The following PDZD2 variants were observed in gnomAD, a reference collection of about 807,000 sequenced individuals.
PDZD2 encodes PDZ domain-containing protein 2.
Under a neutral mutation model 220.7 loss-of-function variants are expected in PDZD2, and 90 were observed. The ratio of observed to expected loss-of-function variants is 0.41; its 90% confidence interval spans 0.34 to 0.49. PDZD2 has a LOEUF of 0.49. Ranked by LOEUF, PDZD2 falls within the 20% of genes least tolerant of loss-of-function variation. The pLI, the probability that PDZD2 is intolerant of heterozygous loss-of-function variation, is 0.28. For synonymous variants in PDZD2, 1,375 were observed against 1,450.5 expected, an observed-to-expected ratio of 0.95 and a Z score of 1.18; for missense variants, 3,174 against 3,608.5, an observed-to-expected ratio of 0.88 and a Z score of 3.08.
intron 2 of PDZD2, among the ~76,000 whole-genome samples, chr5:31,864,969 C>CG (rs1399505770): frequency 6.6e-6 from 1 of 150,626 alleles, no homozygotes; most frequent in East Asian, 2.0e-4. Context: ...CTGCCTCAGC[C>CG]CCCCGAGTAG....
chr5:31,973,318 G>A lies in PDZD2; in HGVS notation c.477-9837G>A, dbSNP rs376025171. Among the ~76,000 whole-genome samples the A allele has an allele frequency of 5.9e-5, 9 of 152,184 alleles. No individual in the cohort carries two copies. In the South Asian group the frequency reaches 6.2e-4, roughly 11 times the overall value. The stretch of plus-strand genomic sequence containing the variant: ...AAATTTAAGTCATTCATGATAGTTC[G>A]AGATGTGAACTTTCAAGATCAATAT... On this transcript the variant is annotated intron_variant, in intron 2 of 24. Coordinates refer to ENST00000438447, the MANE Select transcript of PDZD2 (RefSeq NM_178140.4).
At chr5:31,873,533 TTTTATTTATTTATTTA>T (rs57704132) in intron 2 of PDZD2, among the ~76,000 whole-genome samples, 61 of 144,082 alleles carry the variant, frequency 4.2e-4, no homozygotes, top group South Asian at 2.9e-3. Flanking sequence ...TGAAAATTCT[TTTTATTTATTTATTTA>T]TTTATTTATT....
At chr5:32,060,178 GA>G (rs11365407) in intron 13 of PDZD2, among the ~76,000 whole-genome samples, 20,067 of 151,814 alleles carry the variant, frequency 0.13, 1,627 homozygotes, top group Middle Eastern at 0.25. Flanking sequence ...ATTTCCATAT[GA>G]AAAAAAATTT....
intron 2 of PDZD2, among the ~76,000 whole-genome samples, chr5:31,942,892 G>A (rs189384493): frequency 2.6e-5 from 4 of 152,272 alleles, no homozygotes; most frequent in Admixed American, 1.3e-4. Flanking sequence ...AAGATGCTTC[G>A]GATGTGTAGT....
At chr5:31,694,409 A>AAAAAAAC (rs1747283314) in intron 1 of PDZD2, among the ~76,000 whole-genome samples, 1 of 152,186 alleles carries the variant, frequency 6.6e-6, no homozygotes, top group Non-Finnish European at 1.5e-5. Flanking sequence ...AAACAAAAAA[A>AAAAAAAC]CAAAAAACAA....
intron 1 of PDZD2, among the ~76,000 whole-genome samples, chr5:31,693,754 A>G (rs1747248280): frequency 2.0e-5 from 3 of 152,132 alleles, no homozygotes; most frequent in Admixed American, 2.0e-4. Context: ...CATATTCCCC[A>G]TATGTAGTTA....
intron 6 of PDZD2, among the ~76,000 whole-genome samples, chr5:32,025,198 C>T (rs1197699534): frequency 6.6e-6 from 1 of 152,202 alleles, no homozygotes; most frequent in Non-Finnish European, 1.5e-5. Context: ...CTGGGGAAGG[C>T]AGCGGAAGGC....
At chr5:31,959,802 A>T (rs1331892080) in intron 2 of PDZD2, among the ~76,000 whole-genome samples, 1 of 152,206 alleles carries the variant, frequency 6.6e-6, no homozygotes, top group African/African-American at 2.4e-5. Flanking sequence ...AGAGACTTGA[A>T]GTCTGAAGTC....
rs192404476 is a variant in PDZD2 at position 31,687,478 on chromosome 5, G to A, written c.-361+48041G>A. Among the ~76,000 whole-genome samples the A allele has an allele frequency of 3.5e-4, 53 of 152,088 alleles. 1 individual carries two copies. Among genetic ancestry groups the A allele is most frequent in the Admixed American group, 3.1e-3 (47 of 15,272 alleles). ...ATATTGATGTTATTCAGTTTACGTC[G>A]ATCTAGGCTTTTTCTAGCATGCACC... On this transcript the variant is annotated intron_variant, in intron 1 of 24. Coordinates refer to ENST00000438447, the MANE Select transcript of PDZD2 (RefSeq NM_178140.4).
At chr5:31,881,356 GTGTGT>G (rs1561537614) in intron 2 of PDZD2, among the ~76,000 whole-genome samples, 23 of 138,478 alleles carry the variant, frequency 1.7e-4, no homozygotes, top group African/African-American at 7.0e-4. Context: ...GTGTGTGTGT[GTGTGT>G]GTGTGTGTAT....
intron 1 of PDZD2, among the ~76,000 whole-genome samples, chr5:31,727,491 G>A (rs543530231): frequency 9.9e-5 from 15 of 151,972 alleles, no homozygotes; most frequent in African/African-American, 3.4e-4. Flanking sequence ...CGCATCACCT[G>A]AGTTGAGACC....
At chr5:31,782,153 ACT>A (rs1429185243) in intron 1 of PDZD2, among the ~76,000 whole-genome samples, 1 of 152,130 alleles carries the variant, frequency 6.6e-6, no homozygotes, top group Non-Finnish European at 1.5e-5. Context: ...CAGGTCACAG[ACT>A]CTGAGAGCTT....
intron 2 of PDZD2, among the ~76,000 whole-genome samples, chr5:31,850,554 T>A (rs192170830): frequency 3.6e-4 from 54 of 151,858 alleles, no homozygotes; most frequent in African/African-American, 1.2e-3. Context: ...GATTGCACAG[T>A]GTTATCAGAT....
At chr5:31,793,804 CA>C (rs1753854057) in intron 1 of PDZD2, among the ~76,000 whole-genome samples, 1 of 152,068 alleles carries the variant, frequency 6.6e-6, no homozygotes, top group African/African-American at 2.4e-5. Context: ...GAAACTGTCT[CA>C]AAAAATTTTT....
At chr5:31,804,525 C>G (rs889946009) in intron 2 of PDZD2, among the ~76,000 whole-genome samples, 1 of 152,174 alleles carries the variant, frequency 6.6e-6, no homozygotes, top group Admixed American at 6.6e-5. Context: ...TAAAGGACAG[C>G]CTTTGATGAG....
At chr5:31,738,890 A>AT (rs200920695) in intron 1 of PDZD2, among the ~76,000 whole-genome samples, 46,295 of 146,640 alleles carry the variant, frequency 0.32, 7,561 homozygotes, top group East Asian at 0.59. Flanking sequence ...ATATATATAG[A>AT]TTTTTTTTTT....
intron 2 of PDZD2, among the ~76,000 whole-genome samples, chr5:31,838,402 C>T (rs991055167): frequency 6.6e-6 from 1 of 152,198 alleles, no homozygotes; most frequent in Non-Finnish European, 1.5e-5. Context: ...TAGAAATGCT[C>T]CTCAAAGAGA....
chr5:31,992,355 T>G (rs1751285546), intron 3 of PDZD2, among the ~76,000 whole-genome samples: 1 of 152,052 alleles, frequency 6.6e-6, no homozygotes, highest in South Asian at 2.1e-4. Context: ...TTTAACGAGT[T>G]TTGTGGTTTG....
In PDZD2 at chr5:31,897,716, T is replaced by G. The variant is rs577339403; in HGVS notation, c.477-85439T>G. On this transcript the variant is annotated intron_variant, in intron 2 of 24. Coordinates refer to ENST00000438447, the MANE Select transcript of PDZD2 (RefSeq NM_178140.4). ...TGAAACATGAAACATGCAGATGATA[T>G]AAGGTCTCATTTTGTTTGACTGTTG... Among the ~76,000 whole-genome samples, 12 of 148,594 alleles carry G rather than the reference T, an allele frequency of 8.1e-5. 1 individual carries two copies. In the South Asian group the frequency reaches 2.1e-3, roughly 27 times the overall value.
Sources: gnomAD v4.1 joint callset for allele counts (sites outside exome capture counted in the v4.1 genomes callset) on GRCh38, gnomAD v4.1.1 for gene constraint, MANE v1.5 for transcripts, NCBI Gene and HGNC (gene_info 2026-07-23, HGNC 2026-07-21) for gene names.